ABCG2: variants seen among roughly 807,000 people sequenced by gnomAD.
ABCG2 encodes ATP binding cassette subfamily G member 2 (JR blood group), also known as broad substrate specificity ATP-binding cassette transporter ABCG2.
In ABCG2, 80 loss-of-function variants were observed where a neutral mutation model predicts 73.5. That is an observed-to-expected ratio of 1.09 (90% CI 0.91 to 1.31). ABCG2 has a LOEUF of 1.31. Ranked by LOEUF, ABCG2 falls within the 50% of genes most tolerant of loss-of-function variation. The probability of loss-of-function intolerance (pLI) is 0.00; values close to 1 mark genes in which losing one functional copy is unlikely to be tolerated. For synonymous variants in ABCG2, 269 were observed against 282.4 expected (o/e 0.95, Z 0.48); for missense variants, 796 against 786.2 (o/e 1.01, Z -0.15).
intron 12 of ABCG2, 78 bp from the exon 13 acceptor site, chr4:88,097,685 T>G: frequency 1.4e-6 from 2 of 1,441,704 alleles, no homozygotes; most frequent in Non-Finnish European, 1.9e-6. Flanking sequence ...TGTGCAAATT[T>G]AACACTAATA....
At chr4:88,175,136 C>A (rs7699279) in intron 1 of ABCG2, among the ~76,000 whole-genome samples, 3 of 152,062 alleles carry the variant, frequency 2.0e-5, no homozygotes, top group African/African-American at 7.3e-5. Context: ...AACTACTACA[C>A]AATTGATTTA....
intron 1 of ABCG2, among the ~76,000 whole-genome samples, chr4:88,198,658 G>C (rs1044008293): frequency 6.6e-6 from 1 of 151,936 alleles, no homozygotes; most frequent in Non-Finnish European, 1.5e-5. Flanking sequence ...ATAAATGAAA[G>C]CTCCAATGGA....
At position 88,115,058 on chromosome 4, in the gene ABCG2, C is replaced by T. The variant is rs368511909; in HGVS notation, c.842G>A (p.Gly281Asp). ...QEALGYFESA[G>D]YHCEAYNNPA... ...GTTATTATAGGCCTCACAGTGATAA[C>T]CTATGAAAGAAGGCAGCTCAAAAAC... Residue 281 changes from glycine to aspartate, a missense_variant and splice_region_variant, in exon 8 of 16, where the codon GGT becomes GAT. Gly to Asp is a moderately conservative substitution (Grantham distance 94). Coordinates refer to ENST00000237612, the MANE Select transcript of ABCG2 (RefSeq NM_004827.3). 3 of 1,603,372 alleles carry T rather than the reference C, an allele frequency of 1.9e-6. No homozygotes were observed. Among genetic ancestry groups the T allele is most frequent in the South Asian group, 1.1e-5 (1 of 89,868 alleles).
intron 1 of ABCG2, among the ~76,000 whole-genome samples, chr4:88,188,637 T>G (rs1728560522): frequency 2.2e-5 from 1 of 45,518 alleles, no homozygotes; most frequent in African/African-American, 1.0e-4. Flanking sequence ...GTTTTTCTAT[T>G]TCTACAAAAA....
At chr4:88,203,615 G>A (rs763857239) in intron 1 of ABCG2, among the ~76,000 whole-genome samples, 5 of 151,996 alleles carry the variant, frequency 3.3e-5, no homozygotes, top group South Asian at 2.1e-4. Flanking sequence ...TTAGCTGGGC[G>A]TGGTGGTGGG....
rs115969588 is a variant in ABCG2, at chr4:88,119,384, C to T, written c.690-1124G>A. The stretch of plus-strand genomic sequence containing the variant: ...TAGAGCAGGATGCTGCTGTAAGATA[C>T]CCAAAAATCTGGAAGCCACTTTGGA... On this transcript the variant is annotated intron_variant, in intron 6 of 15. Coordinates refer to ENST00000237612, the MANE Select transcript of ABCG2 (RefSeq NM_004827.3). 1.8e-3 allele frequency among the ~76,000 whole-genome samples: 271 copies of T among 152,312 alleles called. 1 individual carries two copies. The highest frequency in any genetic ancestry group is 3.4e-3 in the Non-Finnish European group (228 of 68,028).
At chr4:88,119,057 G>C (rs1245426894) in intron 6 of ABCG2, among the ~76,000 whole-genome samples, 1 of 152,148 alleles carries the variant, frequency 6.6e-6, no homozygotes, top group African/African-American at 2.4e-5. Context: ...CACATATCAA[G>C]GATGGGGCCA....
At chr4:88,097,665 G>T in intron 12 of ABCG2, 58 bp from the exon 13 acceptor site, 1 of 1,554,440 alleles carries the variant, frequency 6.4e-7, no homozygotes, top group Non-Finnish European at 8.7e-7. Flanking sequence ...GTATGTTTGG[G>T]ATTGCTTATT....
intron 5 of ABCG2, among the ~76,000 whole-genome samples, chr4:88,124,247 T>A (rs1423202253): frequency 6.6e-6 from 1 of 152,194 alleles, no homozygotes; most frequent in Non-Finnish European, 1.5e-5. Flanking sequence ...ATGAAGAAAC[T>A]GCATCAATTA....
intron 9 of ABCG2, among the ~76,000 whole-genome samples, chr4:88,112,222 T>C (rs1156361803): frequency 6.6e-6 from 1 of 152,200 alleles, no homozygotes; most frequent in Non-Finnish European, 1.5e-5. Context: ...TAACAATGAA[T>C]AGCCTTGTTC....
At chr4:88,167,276 C>A (rs1727562627) in intron 1 of ABCG2, among the ~76,000 whole-genome samples, 1 of 151,858 alleles carries the variant, frequency 6.6e-6, no homozygotes, top group Non-Finnish European at 1.5e-5. Context: ...ACCCTCAGCT[C>A]CTCTTGGCTG....
intron 14 of ABCG2, among the ~76,000 whole-genome samples, chr4:88,095,053 T>C (rs769646690): frequency 6.6e-6 from 1 of 152,242 alleles, no homozygotes; most frequent in Non-Finnish European, 1.5e-5. Context: ...GAACCAGTTG[T>C]AATTCTTGGA....
chr4:88,222,059 T>A (rs190477552), intron 1 of ABCG2, among the ~76,000 whole-genome samples: 5 of 152,284 alleles, frequency 3.3e-5, no homozygotes, highest in African/African-American at 1.2e-4. Flanking sequence ...ATGTGCAACC[T>A]TGGGACTTGG....
intron 1 of ABCG2, among the ~76,000 whole-genome samples, chr4:88,210,251 C>T (rs547866783): frequency 3.9e-5 from 6 of 152,156 alleles, no homozygotes; most frequent in Non-Finnish European, 7.4e-5. Context: ...GACAGTGCCT[C>T]TCTATGTTGC....
chr4:88,145,756 A>AT (rs1185234689), intron 1 of ABCG2, among the ~76,000 whole-genome samples: 1 of 152,286 alleles, frequency 6.6e-6, no homozygotes, highest in Admixed American at 6.5e-5. Context: ...CCTGGCCAAC[A>AT]TGGTGAAACC....
chr4:88,115,882 A>G (rs1723544982), intron 7 of ABCG2, among the ~76,000 whole-genome samples: 1 of 152,118 alleles, frequency 6.6e-6, no homozygotes, highest in African/African-American at 2.4e-5. Context: ...AGCAATGACT[A>G]CTTCCCCACA....
intron 8 of ABCG2, among the ~76,000 whole-genome samples, chr4:88,113,945 G>C (rs1382256497): frequency 6.6e-6 from 1 of 151,836 alleles, no homozygotes; most frequent in Non-Finnish European, 1.5e-5. Context: ...GCCTGTGCAA[G>C]AGAGCAAGAC....
At chr4:88,220,300 G>T in intron 1 of ABCG2, among the ~76,000 whole-genome samples, 1 of 152,120 alleles carries the variant, frequency 6.6e-6, no homozygotes, top group Non-Finnish European at 1.5e-5. Context: ...CTGAGCCTCT[G>T]CTTTCAGTTC....
chr4:88,156,567 A>C (rs188150857), intron 1 of ABCG2, among the ~76,000 whole-genome samples: 43 of 152,222 alleles, frequency 2.8e-4, no homozygotes, highest in African/African-American at 9.9e-4. Flanking sequence ...AAATAACTGA[A>C]TCAATGAACA....
Sources: allele counts gnomAD v4.1 joint callset (sites outside exome capture counted in the v4.1 genomes callset), GRCh38; gene constraint gnomAD v4.1.1; transcripts MANE v1.5; gene names NCBI Gene and HGNC (gene_info 2026-07-23, HGNC 2026-07-21).